SBNO2: variants seen among roughly 807,000 people sequenced by gnomAD.
SBNO2 encodes protein strawberry notch homolog 2.
A neutral mutation model predicts 146.3 loss-of-function variants in SBNO2; 89 were observed. That is an observed-to-expected ratio of 0.61 (90% CI 0.51 to 0.73). The LOEUF (loss-of-function observed/expected upper bound fraction) is 0.73. Among genes scored for constraint, SBNO2 ranks in the 30% least tolerant of loss-of-function variants. SBNO2 has a pLI of 0.00. For synonymous variants in SBNO2, 1,147 were observed against 892.6 expected (o/e 1.29, Z -5.08); for missense variants, 2,092 against 2,003.7 (o/e 1.04, Z -0.84).
At chr19:1,160,466 G>A (rs570775677) in intron 1 of SBNO2, among the ~76,000 whole-genome samples, 29 of 152,332 alleles carry the variant, frequency 1.9e-4, no homozygotes, top group African/African-American at 6.7e-4. Flanking sequence ...GAAGGGCAGT[G>A]GGGAGACCCG....
chr19:1,117,793 C>T (rs2079851318), intron 14 of SBNO2, among the ~76,000 whole-genome samples: 1 of 152,276 alleles, frequency 6.6e-6, no homozygotes, highest in Admixed American at 6.5e-5. Context: ...CGCAGCCACG[C>T]CTCTCTTGCT....
At chr19:1,123,163 C>A in intron 7 of SBNO2, 118 bp from the exon 8 acceptor site, 2 of 1,188,884 alleles carry the variant, frequency 1.7e-6, no homozygotes, top group Admixed American at 2.1e-5. Context: ...AGTTTGGGGG[C>A]GTGGCCAGGT....
chr19:1,118,625 G>A lies in SBNO2; in HGVS notation c.1527+386C>T, dbSNP rs1048374730. On this transcript the variant is annotated intron_variant, in intron 14 of 31. Coordinates refer to ENST00000361757, the MANE Select transcript of SBNO2 (RefSeq NM_014963.3). Reference sequence around the variant, plus strand: ...GGCTCACGCCTGTCATCCCAGCACTGTGGGAGGCCGAGGCGGGCAGATCAC... The same window carrying A: ...GGCTCACGCCTGTCATCCCAGCACTATGGGAGGCCGAGGCGGGCAGATCAC... 8.5e-5 allele frequency among the ~76,000 whole-genome samples: 13 copies of A among 152,242 alleles called. 1 individual carries two copies. The highest frequency in any genetic ancestry group is 2.0e-4 in the Admixed American group (3 of 15,274).
chr19:1,123,646 G>A lies in SBNO2; in HGVS notation c.523-7C>T. On this transcript the variant is annotated splice_polypyrimidine_tract_variant and splice_region_variant and intron_variant, in intron 6 of 31. Coordinates refer to ENST00000361757, the MANE Select transcript of SBNO2 (RefSeq NM_014963.3). The stretch of plus-strand genomic sequence containing the variant: ...GGCTCTGCACACTCTGCTCCTGCGT[G>A]CGTGGCGGGAGCTCAGCGGAGACTG... 6.2e-7 allele frequency: 1 copy of A among 1,607,972 alleles called. No homozygotes were observed. The highest frequency in any genetic ancestry group is 1.1e-5 in the South Asian group (1 of 90,412).
At chr19:1,133,662 C>A (rs2080057302) in intron 4 of SBNO2, among the ~76,000 whole-genome samples, 2 of 152,222 alleles carry the variant, frequency 1.3e-5, no homozygotes, top group Admixed American at 6.5e-5. Flanking sequence ...CAATGGAAAA[C>A]AACCAATGGG....
In SBNO2 at chr19:1,111,586, A is replaced by T; in HGVS notation, c.2729T>A (p.Leu910His). Residue 910 changes from leucine (L) to histidine (H), a missense_variant, in exon 24 of 32, where the codon CTC becomes CAC. By Grantham distance (99) the Leu-to-His change is moderately conservative (BLOSUM62 -3). Transcript: ENST00000361757. ...KYGTRALHCV[L>H]TTILSQTENK... ...CTCAGTCTGGCTCAGGATGGTGGTG[A>T]GGACACAGTGCAGGGCCCGGGTGCC... The T allele has an allele frequency of 6.3e-7, 1 of 1,594,610 alleles. No individual in the cohort carries two copies. The highest frequency in any genetic ancestry group is 1.7e-5 in the Admixed American group (1 of 57,358).
Position 1,144,422 on chromosome 19 carries a change from G to A in SBNO2, c.279+2887C>T, listed in dbSNP as rs890785691. On this transcript the variant is annotated intron_variant, in intron 4 of 31. Coordinates refer to ENST00000361757, the MANE Select transcript of SBNO2 (RefSeq NM_014963.3). This position sits in a 1 kb window ranked among gnomAD's most constrained non-coding sequence, Gnocchi z 4.1. ...AGGGTGGGCAGGGAGCCGGGCGGGCGGTGCTCACAGAACCAGCACAGTGGC... is the reference window on the plus strand; with the variant it reads ...AGGGTGGGCAGGGAGCCGGGCGGGCAGTGCTCACAGAACCAGCACAGTGGC... Among the ~76,000 whole-genome samples, 5 of 152,176 alleles carry A rather than the reference G, an allele frequency of 3.3e-5. No individual in the cohort carries two copies. Among genetic ancestry groups the A allele is most frequent in the Non-Finnish European group, 7.3e-5 (5 of 68,032 alleles).
At chr19:1,164,261 G>C (rs1430002116) in intron 1 of SBNO2, among the ~76,000 whole-genome samples, 1 of 152,178 alleles carries the variant, frequency 6.6e-6, no homozygotes, top group Non-Finnish European at 1.5e-5. Flanking sequence ...CAGCTTGAGC[G>C]GGTGGCCGAA....
In SBNO2 at chr19:1,150,859, C is replaced by A. The variant is rs1260561651; in HGVS notation, c.94-1417G>T. On this transcript the variant is annotated intron_variant, in intron 2 of 31. Transcript: ENST00000361757. The surrounding 1 kb of genome is among the most constrained non-coding windows in gnomAD (Gnocchi z 6.2). ...GGGTGGGGGATTCCAGGACCCCCGA[C>A]AGCCTCGAGATAGGCAAAGCCCTCG... 6.6e-6 allele frequency among the ~76,000 whole-genome samples: 1 copy of A among 152,236 alleles called. No homozygotes were observed. The highest frequency in any genetic ancestry group is 1.5e-5 in the Non-Finnish European group (1 of 68,036).
chr19:1,142,087 G>A (rs1187730824), intron 4 of SBNO2, among the ~76,000 whole-genome samples: 4 of 51,142 alleles, frequency 7.8e-5, no homozygotes, highest in African/African-American at 2.0e-4. Context: ...CCCTCCTCAT[G>A]ATCAACCCTC....
At chr19:1,120,804 G>C (rs1424769138) in intron 11 of SBNO2, among the ~76,000 whole-genome samples, 2 of 152,172 alleles carry the variant, frequency 1.3e-5, no homozygotes, top group African/African-American at 4.8e-5. Flanking sequence ...GAGTAGCTGG[G>C]ATTACAAGTG....
Position 1,173,444 on chromosome 19 carries a change from T to C in SBNO2, c.-127+728A>G, listed in dbSNP as rs1200806760. Among the ~76,000 whole-genome samples the C allele has an allele frequency of 6.6e-6, 1 of 152,056 alleles. No homozygotes were observed. The highest frequency in any genetic ancestry group is 1.9e-4 in the East Asian group (1 of 5,182). On this transcript the variant is annotated intron_variant, in intron 1 of 31. Transcript: ENST00000361757. The surrounding 1 kb of genome is among the most constrained non-coding windows in gnomAD (Gnocchi z 4.7). ...CCCATCCCAAACCGGGGGACCTCCA[T>C]GCAGAAACCGAAAAACCATCTGCCC... is the stretch of plus-strand genomic sequence containing the variant.
In SBNO2 at chr19:1,169,502, C is replaced by T. The variant is rs557283583; in HGVS notation, c.-127+4670G>A. ...CCCTCATGCCAAGAGCCCCGTAGGG[C>T]CCCTTCGAGTAGAATGCAGCATTCC... On this transcript the variant is annotated intron_variant, in intron 1 of 31. Coordinates refer to ENST00000361757, the MANE Select transcript of SBNO2 (RefSeq NM_014963.3). 3.3e-5 allele frequency among the ~76,000 whole-genome samples: 5 copies of T among 152,356 alleles called. No homozygotes were observed. In the East Asian group the frequency reaches 7.7e-4, roughly 24 times the overall value.
chr19:1,135,950 T>C (rs1329990781), intron 4 of SBNO2, among the ~76,000 whole-genome samples: 4 of 152,066 alleles, frequency 2.6e-5, no homozygotes, highest in East Asian at 1.9e-4. Flanking sequence ...GGTGTGATCA[T>C]GTCCTGGCAC....
intron 4 of SBNO2, among the ~76,000 whole-genome samples, chr19:1,141,368 C>T (rs1269965903): frequency 6.6e-6 from 1 of 152,202 alleles, no homozygotes; most frequent in Non-Finnish European, 1.5e-5. Flanking sequence ...GTGCCCGCCA[C>T]CATGCTCAGC....
Position 1,109,419 on chromosome 19 carries a change from C to T in SBNO2, c.3221G>A (p.Arg1074His), listed in dbSNP as rs768000819. Residue 1074 changes from arginine to histidine, a missense_variant, in exon 29 of 32, where the codon CGC becomes CAC. Physicochemically the swap from Arg to His is conservative, Grantham distance 29. Transcript: ENST00000361757. This position sits in a 1 kb window ranked among gnomAD's most constrained non-coding sequence, Gnocchi z 4.2. ...YDGFYLSYKV[R>H]GNKPSCLLAE... is the part of the protein sequence containing the mutation. The stretch of plus-strand genomic sequence containing the variant: ...CAGCAGGCAGCTGGGCTTGTTACCG[C>T]GGACCTGCGGAGGGGGGCGTTGAGG... 4 of 1,564,236 alleles carry T rather than the reference C, an allele frequency of 2.6e-6. No homozygotes were observed. The highest frequency in any genetic ancestry group is 1.9e-5 in the Admixed American group (1 of 52,284).
chr19:1,113,293 G>C (rs560017393), intron 19 of SBNO2, among the ~76,000 whole-genome samples: 1 of 152,268 alleles, frequency 6.6e-6, no homozygotes, highest in South Asian at 2.1e-4. Flanking sequence ...GCCTGCGCAG[G>C]CCAGGCTGGG....
At chr19:1,156,739 C>T (rs561075386) in intron 1 of SBNO2, among the ~76,000 whole-genome samples, 232 of 152,232 alleles carry the variant, frequency 1.5e-3, no homozygotes, top group African/African-American at 5.3e-3. Context: ...CTGTGAGAGA[C>T]GCCAGGCACA....
At chr19:1,159,522 TGGGGACAGCAGGGGACAGTGG>T (rs1172607945) in intron 1 of SBNO2, among the ~76,000 whole-genome samples, 1 of 16,038 alleles carries the variant, frequency 6.2e-5, no homozygotes, top group Non-Finnish European at 1.0e-4. Context: ...AGGGGACAGT[TGGGGACAGCAGGGGACAGTGG>T]GGGGACAGCA....
Sources: allele counts gnomAD v4.1 joint callset (sites outside exome capture counted in the v4.1 genomes callset), GRCh38; gene constraint gnomAD v4.1.1; non-coding constraint Gnocchi (gnomAD v3.1); transcripts MANE v1.5; gene names NCBI Gene and HGNC (gene_info 2026-07-23, HGNC 2026-07-21).